ULK4: variants seen among roughly 807,000 people sequenced by gnomAD.
ULK4 encodes inactive serine/threonine-protein kinase ULK4.
ULK4 carries 133 observed loss-of-function variants against 160.6 expected under a neutral mutation model. The ratio of observed to expected loss-of-function variants is 0.83; its 90% confidence interval spans 0.72 to 0.96. ULK4 has a LOEUF of 0.96. ULK4 is among the 40% of genes least tolerant of loss of function. ULK4 has a pLI of 0.00. For missense variants in ULK4, 1,580 were observed against 1,499.5 expected (o/e 1.05, Z -0.89); for synonymous variants, 534 against 539.8 (o/e 0.99, Z 0.15).
At chr3:41,687,584 A>T (rs1456360301) in intron 27 of ULK4, among the ~76,000 whole-genome samples, 4 of 152,174 alleles carry the variant, frequency 2.6e-5, no homozygotes, top group Non-Finnish European at 5.9e-5. Flanking sequence ...TCCAATGTCA[A>T]GAAAACCACT....
At chr3:41,407,797 AACAAAG>A (rs1197256653) in intron 34 of ULK4, among the ~76,000 whole-genome samples, 1 of 152,194 alleles carries the variant, frequency 6.6e-6, no homozygotes, top group Non-Finnish European at 1.5e-5. Flanking sequence ...TAAGATCATG[AACAAAG>A]AAAGATGTCC....
chr3:41,605,404 G>A (rs931548868), intron 31 of ULK4, among the ~76,000 whole-genome samples: 1 of 151,634 alleles, frequency 6.6e-6, no homozygotes, highest in Admixed American at 6.6e-5. Flanking sequence ...AAGAGTTAAG[G>A]AATGGAAAAG....
chr3:41,435,806 G>T (rs771744394), intron 34 of ULK4, among the ~76,000 whole-genome samples: 23 of 152,124 alleles, frequency 1.5e-4, no homozygotes, highest in Non-Finnish European at 3.1e-4. Flanking sequence ...AATTAGCTGG[G>T]CATGGTGGCA....
At chr3:41,719,839 T>A (rs557327581) in intron 22 of ULK4, among the ~76,000 whole-genome samples, 12 of 152,154 alleles carry the variant, frequency 7.9e-5, no homozygotes, top group Non-Finnish European at 1.8e-4. Flanking sequence ...ATAGGAGTTC[T>A]TAAAACTCCC....
chr3:41,320,372 T>C (rs1477204254), intron 35 of ULK4, among the ~76,000 whole-genome samples: 4 of 152,186 alleles, frequency 2.6e-5, no homozygotes, highest in African/African-American at 9.6e-5. Flanking sequence ...AATGTGATAA[T>C]ACAAGTCAAC....
chr3:41,873,429 AT>A (rs1327785268), intron 17 of ULK4, among the ~76,000 whole-genome samples: 4 of 152,022 alleles, frequency 2.6e-5, no homozygotes, highest in Non-Finnish European at 5.9e-5. Context: ...CTATTTCAGG[AT>A]TTTAGCTGCC....
chr3:41,257,671 G>A (rs1313951613), intron 35 of ULK4, among the ~76,000 whole-genome samples: 3 of 151,428 alleles, frequency 2.0e-5, no homozygotes, highest in Non-Finnish European at 4.4e-5. Context: ...CCTACCATAT[G>A]GCCAAACAAT....
rs67078043 is a variant in ULK4 at position 41,721,279 on chromosome 3, T to TTTTTTTGG, written c.2322-3419_2322-3418insCCAAAAAA. Among the ~76,000 whole-genome samples the TTTTTTTGG allele has an allele frequency of 1.0e-3, 99 of 98,910 alleles. 9 individuals are homozygous for TTTTTTTGG. The East Asian group carries it at 0.011, about 11-fold the overall frequency. 64.9% of individuals were successfully genotyped at this position (98,910 alleles called of 152,430 possible). A position where few individuals can be genotyped will look rare whatever the true frequency, so the allele number is the denominator to read the frequency against. On this transcript the variant is annotated intron_variant, in intron 22 of 36. Transcript: ENST00000301831. ...AATTTTTTTTTTTTTTTTTTTTTTT[T>TTTTTTTGG]TTTTTGGGTTTTGAACCATGAGTAT...
intron 30 of ULK4, among the ~76,000 whole-genome samples, chr3:41,644,623 G>C (rs1006507767): frequency 6.6e-6 from 1 of 151,884 alleles, no homozygotes; most frequent in Non-Finnish European, 1.5e-5. Context: ...TTTTGCATCA[G>C]TGTTCATCAG....
At chr3:41,696,618 A>G (rs1029715042) in intron 27 of ULK4, among the ~76,000 whole-genome samples, 10 of 151,344 alleles carry the variant, frequency 6.6e-5, no homozygotes, top group African/African-American at 2.2e-4. Flanking sequence ...TATTTCTACA[A>G]TCTCTTGCCT....
chr3:41,613,691 A>G (rs2125680102), intron 31 of ULK4, among the ~76,000 whole-genome samples: 1 of 152,380 alleles, frequency 6.6e-6, no homozygotes, highest in Middle Eastern at 3.4e-3. Context: ...AACTCAAAAA[A>G]GACAAAAGTA....
chr3:41,712,091 T>C (rs1225517378), intron 25 of ULK4, among the ~76,000 whole-genome samples: 1 of 152,204 alleles, frequency 6.6e-6, no homozygotes, highest in Non-Finnish European at 1.5e-5. Context: ...AAATATAAGG[T>C]GACCAAAACT....
intron 31 of ULK4, among the ~76,000 whole-genome samples, chr3:41,577,965 C>A (rs2088254027): frequency 6.6e-6 from 1 of 152,118 alleles, no homozygotes; most frequent in Non-Finnish European, 1.5e-5. Context: ...ATTTGGTTGC[C>A]CTTAACACCT....
At chr3:41,455,750 A>G (rs984352050) in intron 33 of ULK4, among the ~76,000 whole-genome samples, 155 bp from the exon 34 acceptor site, 7 of 152,148 alleles carry the variant, frequency 4.6e-5, no homozygotes, top group Admixed American at 1.3e-4. Flanking sequence ...CAGAAGAGAT[A>G]CTATGCTTTG....
At chr3:41,693,036 A>C (rs532227467) in intron 27 of ULK4, among the ~76,000 whole-genome samples, 1 of 152,346 alleles carries the variant, frequency 6.6e-6, no homozygotes, top group Admixed American at 6.5e-5. Context: ...TTCATAAATA[A>C]CACTTGCATC....
At chr3:41,365,961 G>A (rs180912449) in intron 35 of ULK4, among the ~76,000 whole-genome samples, 1 of 152,274 alleles carries the variant, frequency 6.6e-6, no homozygotes, top group African/African-American at 2.4e-5. Flanking sequence ...AAAACCATTT[G>A]GATAGATTCA....
At chr3:41,862,796 C>T (rs548870378) in intron 17 of ULK4, among the ~76,000 whole-genome samples, 2 of 151,130 alleles carry the variant, frequency 1.3e-5, no homozygotes, top group Admixed American at 6.6e-5. Flanking sequence ...CGCTCCCCCC[C>T]CCCTTTCTCT....
At chr3:41,622,947 G>C (rs1466559002) in intron 30 of ULK4, among the ~76,000 whole-genome samples, 1 of 152,014 alleles carries the variant, frequency 6.6e-6, no homozygotes, top group Non-Finnish European at 1.5e-5. Context: ...AATATAGAAA[G>C]AAATAAACAT....
chr3:41,767,365 ACT>A (rs1243811731), intron 21 of ULK4, among the ~76,000 whole-genome samples: 1 of 151,862 alleles, frequency 6.6e-6, no homozygotes, highest in East Asian at 1.9e-4. Context: ...GTATTAAAAT[ACT>A]TTTTGCTTTT....
Sources: allele counts gnomAD v4.1 joint callset (sites outside exome capture counted in the v4.1 genomes callset), GRCh38; gene constraint gnomAD v4.1.1; transcripts MANE v1.5; gene names NCBI Gene and HGNC (gene_info 2026-07-23, HGNC 2026-07-21).